Variants in BMPR1B observed in about 807,000 individuals in gnomAD.
BMPR1B encodes the protein bone morphogenetic protein receptor type-1B.
In BMPR1B, 12 loss-of-function variants were observed where a neutral mutation model predicts 59.1. The observed-to-expected ratio is 0.20, with a 90% confidence interval of 0.13 to 0.33. The LOEUF (loss-of-function observed/expected upper bound fraction) is 0.33. BMPR1B is among the 10% of genes least tolerant of loss of function. The pLI, the probability that BMPR1B is intolerant of heterozygous loss-of-function variation, is 1.00. For synonymous variants in BMPR1B, 237 were observed against 207.3 expected (o/e 1.14, Z -1.23); for missense variants, 550 against 610.9 (o/e 0.90, Z 1.05).
chr4:94,758,249 G>C (rs1721603855), intron 1 of BMPR1B, among the ~76,000 whole-genome samples, 181 bp downstream of exon 1: 3 of 149,388 alleles, frequency 2.0e-5, no homozygotes, highest in Admixed American at 1.3e-4. Context: ...GAGAGGGCGA[G>C]AGCGAGGGCG....
chr4:95,130,182 G>A, intron 9 of BMPR1B, 128 bp downstream of exon 9: 1 of 1,121,566 alleles, frequency 8.9e-7, no homozygotes, highest in Non-Finnish European at 1.3e-6. Flanking sequence ...TTCTTGGCAT[G>A]GGCCCAAGAA....
chr4:94,900,129 T>A (rs936846306), intron 2 of BMPR1B, among the ~76,000 whole-genome samples: 6 of 151,828 alleles, frequency 4.0e-5, no homozygotes, highest in African/African-American at 1.4e-4. Flanking sequence ...TTTTTTTTTT[T>A]AATTTGGAAA....
intron 2 of BMPR1B, among the ~76,000 whole-genome samples, chr4:94,930,754 A>G (rs1474949392): frequency 6.6e-6 from 1 of 152,116 alleles, no homozygotes; most frequent in Non-Finnish European, 1.5e-5. Flanking sequence ...TTCAAGTAGG[A>G]AGTAATTAAA....
chr4:95,013,097 G>T (rs933925740), intron 3 of BMPR1B, among the ~76,000 whole-genome samples: 1 of 151,056 alleles, frequency 6.6e-6, no homozygotes, highest in Non-Finnish European at 1.5e-5. Flanking sequence ...TAAATAACTA[G>T]TTTTTCAAAT....
intron 1 of BMPR1B, among the ~76,000 whole-genome samples, chr4:94,835,157 G>A (rs1206475003): frequency 6.6e-6 from 1 of 151,640 alleles, no homozygotes; most frequent in Non-Finnish European, 1.5e-5. Flanking sequence ...AATAGTGTGG[G>A]TTATCTTTAC....
intron 1 of BMPR1B, among the ~76,000 whole-genome samples, chr4:94,778,504 A>G (rs1451945500): frequency 6.6e-6 from 1 of 152,052 alleles, no homozygotes; most frequent in Non-Finnish European, 1.5e-5. Context: ...GTATTTCTAT[A>G]TATTTGCTAT....
In BMPR1B at chr4:95,077,095, G is replaced by C. The variant is rs1401749142; in HGVS notation, c.-17-27313G>C. Among the ~76,000 whole-genome samples the C allele has an allele frequency of 2.6e-5, 4 of 152,276 alleles. No homozygotes were observed. In the East Asian group the frequency reaches 7.7e-4, roughly 29 times the overall value. On this transcript the variant is annotated intron_variant, in intron 3 of 12. Coordinates refer to ENST00000515059, the MANE Select transcript of BMPR1B (RefSeq NM_001203.3). ...GAGAGTATTACAGTAACATTGGTTA[G>C]GGACAGGTATAACGGTAGGAGAAAG...
At chr4:95,030,417 A>C (rs1460244343) in intron 3 of BMPR1B, among the ~76,000 whole-genome samples, 1 of 152,180 alleles carries the variant, frequency 6.6e-6, no homozygotes, top group Non-Finnish European at 1.5e-5. Context: ...GTCAAAGATC[A>C]GATAGTTGTA....
intron 1 of BMPR1B, among the ~76,000 whole-genome samples, chr4:94,806,627 A>G (rs1373739883): frequency 6.6e-6 from 1 of 152,170 alleles, no homozygotes; most frequent in Non-Finnish European, 1.5e-5. Flanking sequence ...ACTGTGTTAT[A>G]GGTCAAAATG....
intron 2 of BMPR1B, among the ~76,000 whole-genome samples, chr4:94,949,879 A>G (rs544881447): frequency 2.7e-4 from 41 of 152,236 alleles, no homozygotes; most frequent in African/African-American, 9.1e-4. Context: ...GTCTTCCATA[A>G]TGGTTGAACT....
intron 1 of BMPR1B, among the ~76,000 whole-genome samples, chr4:94,761,490 A>G (rs1218327958): frequency 6.7e-6 from 1 of 149,348 alleles, no homozygotes; most frequent in African/African-American, 2.5e-5. Context: ...AAGAAAAAGG[A>G]AGTTTGGACC....
chr4:95,126,518 A>G (rs1732915515), intron 8 of BMPR1B, among the ~76,000 whole-genome samples: 1 of 152,190 alleles, frequency 6.6e-6, no homozygotes. Flanking sequence ...GTAGTACCAG[A>G]AATATCAGTA....
At chr4:94,954,287 C>T (rs114387989) in intron 2 of BMPR1B, among the ~76,000 whole-genome samples, 1,598 of 152,236 alleles carry the variant, frequency 0.01, 29 homozygotes, top group African/African-American at 0.037. Flanking sequence ...CTTTTCTCTC[C>T]GTCTAACATG....
chr4:94,764,632 G>A (rs185701659), intron 1 of BMPR1B, among the ~76,000 whole-genome samples: 40 of 152,210 alleles, frequency 2.6e-4, no homozygotes, highest in African/African-American at 7.2e-4. Context: ...AAGAACAGTC[G>A]TACTCCCTTA....
intron 3 of BMPR1B, among the ~76,000 whole-genome samples, chr4:95,071,929 CTGTT>C (rs942524943): frequency 4.0e-5 from 6 of 151,686 alleles, no homozygotes; most frequent in African/African-American, 9.7e-5. Context: ...GCGTGTGTGT[CTGTT>C]TGTGTGCATG....
intron 4 of BMPR1B, 24 bp downstream of exon 4, chr4:95,104,591 G>T: frequency 6.2e-7 from 1 of 1,612,776 alleles, no homozygotes; most frequent in Non-Finnish European, 8.5e-7. Context: ...ATGATTTAAA[G>T]CTAGCTTTAA....
At chr4:95,069,341 A>G (rs1279426224) in intron 3 of BMPR1B, among the ~76,000 whole-genome samples, 1 of 152,116 alleles carries the variant, frequency 6.6e-6, no homozygotes, top group Non-Finnish European at 1.5e-5. Context: ...TCTGTTCCCC[A>G]TTTCTTGTCT....
chr4:95,142,813 C>CTT (rs11385949), intron 10 of BMPR1B, among the ~76,000 whole-genome samples: 2,227 of 140,696 alleles, frequency 0.016, 26 homozygotes, highest in South Asian at 0.026. Context: ...AGTTGGGGCT[C>CTT]TTTTTTTTTT....
chr4:94,782,393 C>T (rs951076242), intron 1 of BMPR1B, among the ~76,000 whole-genome samples: 5 of 151,836 alleles, frequency 3.3e-5, no homozygotes, highest in Non-Finnish European at 7.4e-5. Flanking sequence ...GCAGCCTCAA[C>T]CTCCCAGGCT....
Sources: gnomAD v4.1 joint callset for allele counts (sites outside exome capture counted in the v4.1 genomes callset) on GRCh38, gnomAD v4.1.1 for gene constraint, MANE v1.5 for transcripts, NCBI Gene and HGNC (gene_info 2026-07-23, HGNC 2026-07-21) for gene names.